Variants in CCDC40 observed in about 807,000 individuals in gnomAD.
CCDC40 encodes the protein coiled-coil domain 40 molecular ruler complex subunit.
In CCDC40, 104 loss-of-function variants were observed where a neutral mutation model predicts 124.5. That is an observed-to-expected ratio of 0.84 (90% CI 0.71 to 0.98). The LOEUF (loss-of-function observed/expected upper bound fraction) is 0.98, where lower values mean the gene tolerates loss of function less well. CCDC40 is among the 50% of genes least tolerant of loss of function. The pLI is 0.00. For synonymous variants in CCDC40, 580 were observed against 602.9 expected (o/e 0.96, Z 0.56); for missense variants, 1,463 against 1,503.9 (o/e 0.97, Z 0.45).
Position 80,089,783 on chromosome 17 carries a change from G to A in CCDC40, c.2731G>A (p.Glu911Lys), listed in dbSNP as rs993641369. The change falls in exon 17 of 20, where the codon GAG becomes AAG. Residue 911 changes from glutamate to lysine, a missense_variant. Coordinates refer to ENST00000397545, the MANE Select transcript of CCDC40 (RefSeq NM_017950.4). ...CTAAAGACACCAGATTATGCTTTGG[G>A]AGAAAAAAATCCAACTGGCAAAAGA... Reference protein sequence around the residue: ...VEAEHQIMLWEKKIQLAKEMR... With the variant: ...VEAEHQIMLWKKKIQLAKEMR... 1.9e-6 allele frequency: 3 copies of A among 1,614,252 alleles called. No individual in the cohort carries two copies. Among genetic ancestry groups the A allele is most frequent in the Admixed American group, 3.3e-5 (2 of 60,022 alleles).
rs759355516 is a variant in CCDC40 at position 80,087,615 on chromosome 17, G to A, written c.2458G>A (p.Glu820Lys). Residue 820 changes from glutamate (E) to lysine (K), a missense_variant, in exon 15 of 20, where the codon GAG (glutamate) becomes AAG (lysine). Physicochemically the swap from Glu to Lys is moderately conservative, Grantham distance 56. Coordinates refer to ENST00000397545, the MANE Select transcript of CCDC40 (RefSeq NM_017950.4). This position sits in a 1 kb window ranked among gnomAD's most constrained non-coding sequence, Gnocchi z 4.5. ...TCTGTTTTCTGCCATAGGCAAGATTGAGCAGGAGAAGAAGGAGCAGAAGGA... is the reference window on the plus strand; with the variant it reads ...TCTGTTTTCTGCCATAGGCAAGATTAAGCAGGAGAAGAAGGAGCAGAAGGA... Reference protein sequence around the residue: ...QKKLRVESKIEQEKKEQKEIE... With the variant: ...QKKLRVESKIKQEKKEQKEIE... 1 of 1,614,122 alleles carries A rather than the reference G, an allele frequency of 6.2e-7. No individual in the cohort carries two copies. The highest frequency in any genetic ancestry group is 8.5e-7 in the Non-Finnish European group (1 of 1,179,972).
At chr17:80,037,399 A>T (rs891339082) in intron 1 of CCDC40, among the ~76,000 whole-genome samples, 1 of 151,830 alleles carries the variant, frequency 6.6e-6, no homozygotes. Context: ...GTATTGTTTC[A>T]TTTTTTTAAA....
rs2038539822 is a variant in CCDC40, at chr17:80,084,749, C to T, written c.1996C>T (p.His666Tyr). ...TTTCTTTTCATCAATTCAGATGACA[C>T]ATCTTTCCAAAATCAACGGTGACAT... ...LQKEKTNMMT[H>Y]LSKINGDIAQ... Residue 666 changes from histidine to tyrosine, a missense_variant, in exon 13 of 20, where the codon CAT becomes TAT. Coordinates refer to ENST00000397545, the MANE Select transcript of CCDC40 (RefSeq NM_017950.4). 1 of 1,614,052 alleles carries T rather than the reference C, an allele frequency of 6.2e-7. No individual in the cohort carries two copies. Among genetic ancestry groups the T allele is most frequent in the Non-Finnish European group, 8.5e-7 (1 of 1,180,024 alleles).
intron 10 of CCDC40, chr17:80,067,427 G>T: frequency 1.5e-6 from 1 of 670,688 alleles, no homozygotes; most frequent in South Asian, 1.7e-5. Context: ...TTCACCCGGA[G>T]TCTTCCTTCC....
chr17:80,044,704 A>ATGTGTATATATATATATATATATATATAT (rs1485851817), intron 3 of CCDC40, among the ~76,000 whole-genome samples: 6 of 37,218 alleles, frequency 1.6e-4, no homozygotes, highest in African/African-American at 4.0e-4. Context: ...AAAACAAACA[A>ATGTGTATATATATATATATATATATATAT]ACAAAAAAAA....
At chr17:80,096,612 T>C (rs900606071) in intron 18 of CCDC40, among the ~76,000 whole-genome samples, 6 of 150,352 alleles carry the variant, frequency 4.0e-5, no homozygotes, top group Non-Finnish European at 7.4e-5. Flanking sequence ...CACACTCAAG[T>C]TCTCCAGCCC....
intron 3 of CCDC40, 31 bp from the exon 4 acceptor site, chr17:80,047,248 G>A (rs753833744): frequency 4.3e-6 from 7 of 1,611,704 alleles, no homozygotes; most frequent in Non-Finnish European, 5.1e-6. Context: ...ATTAAGCCCT[G>A]TTGACTTAGT....
chr17:80,041,720 T>C (rs957716427), intron 3 of CCDC40, among the ~76,000 whole-genome samples: 13 of 152,142 alleles, frequency 8.5e-5, no homozygotes, highest in Non-Finnish European at 1.8e-4. Flanking sequence ...CCAGCTGTCT[T>C]GTAGAGCGCC....
chr17:80,055,560 C>T (rs569195616), intron 7 of CCDC40, among the ~76,000 whole-genome samples: 1 of 152,274 alleles, frequency 6.6e-6, no homozygotes, highest in South Asian at 2.1e-4. Context: ...ACGTTACCAG[C>T]TGGGAAGACG....
At chr17:80,037,696 C>CATAT (rs71163910) in intron 1 of CCDC40, among the ~76,000 whole-genome samples, 2 of 94,750 alleles carry the variant, frequency 2.1e-5, no homozygotes, top group East Asian at 5.9e-4. Context: ...AAAAGATATA[C>CATAT]ATATATATAT....
chr17:80,042,019 G>GA (rs531392755), intron 3 of CCDC40, among the ~76,000 whole-genome samples: 91 of 152,196 alleles, frequency 6.0e-4, no homozygotes, highest in African/African-American at 2.0e-3. Flanking sequence ...TTTAGAATGG[G>GA]AAAAAAATTG....
At chr17:80,056,155 G>A (rs894972428) in intron 7 of CCDC40, among the ~76,000 whole-genome samples, 83 of 150,356 alleles carry the variant, frequency 5.5e-4, no homozygotes, top group African/African-American at 1.9e-3. Context: ...TTCAGCCCTT[G>A]TGGAGTCTTT....
chr17:80,056,277 G>T (rs2037747160), intron 7 of CCDC40, among the ~76,000 whole-genome samples: 1 of 151,100 alleles, frequency 6.6e-6, no homozygotes, highest in South Asian at 2.1e-4. Context: ...TCGGTTCCTC[G>T]CTTGCTGTCC....
At chr17:80,089,558 TC>T in intron 16 of CCDC40, 1 of 252,148 alleles carries the variant, frequency 4.0e-6, no homozygotes, top group Non-Finnish European at 7.7e-6. Flanking sequence ...TCTCCCTCCC[TC>T]CCCCTGTATG....
Position 80,099,652 on chromosome 17 carries a change from G to A in CCDC40, c.3306G>A (p.Lys1102=). ...TGCTGGAGCGCCAGCGCCTGGACAA[G>A]CGACTGGCTCTCATCGCCACCATCC... ...SLVLERQRLD[K]RLALIATILD... Residue 1102 remains lysine (K), a synonymous_variant, in exon 20 of 20, where the codon AAG becomes AAA. Transcript: ENST00000397545. 3.1e-6 allele frequency: 5 copies of A among 1,613,942 alleles called. No homozygotes were observed. The highest frequency in any genetic ancestry group is 4.2e-6 in the Non-Finnish European group (5 of 1,180,030).
intron 16 of CCDC40, 55 bp downstream of exon 16, chr17:80,088,157 C>T: frequency 8.1e-7 from 1 of 1,236,520 alleles, no homozygotes; most frequent in Admixed American, 1.7e-5. Flanking sequence ...CACCTACAGG[C>T]CTCTGTCCGT....
At chr17:80,050,404 C>CCTCCTAAAAAGGGTGGGA in intron 7 of CCDC40, 121 bp downstream of exon 7, 3 of 789,406 alleles carry the variant, frequency 3.8e-6, no homozygotes, top group Non-Finnish European at 6.5e-6. Context: ...GAGGGGTTCC[C>CCTCCTAAAAAGGGTGGGA]ACCCTTTTTA....
At chr17:80,065,400 G>A in intron 9 of CCDC40, 85 bp from the exon 10 acceptor site, 1 of 1,555,466 alleles carries the variant, frequency 6.4e-7, no homozygotes, top group Non-Finnish European at 8.9e-7. Context: ...AGGAAGATTT[G>A]GGAATGTGAG....
At position 80,050,143 on chromosome 17, in the gene CCDC40, A is replaced by G; in HGVS notation, c.1019A>G (p.His340Arg). 1 of 1,613,678 alleles carries G rather than the reference A, an allele frequency of 6.2e-7. No individual in the cohort carries two copies. The highest frequency in any genetic ancestry group is 1.1e-5 in the South Asian group (1 of 91,084). The change falls in exon 7 of 20, where the codon CAC becomes CGC. Residue 340 changes from histidine (H) to arginine (R), a missense_variant. Physicochemically the swap from His to Arg is conservative, Grantham distance 29. Coordinates refer to ENST00000397545, the MANE Select transcript of CCDC40 (RefSeq NM_017950.4). ...NLYEVQQHLV[H>R]LQKLLEKSHD... ...TATGAGGTGCAGCAGCACCTGGTAC[A>G]CCTGCAGAAGCTGCTGGAGAAGAGT...
Sources: allele counts gnomAD v4.1 joint callset (sites outside exome capture counted in the v4.1 genomes callset), GRCh38; gene constraint gnomAD v4.1.1; non-coding constraint Gnocchi (gnomAD v3.1); transcripts MANE v1.5; gene names NCBI Gene and HGNC (gene_info 2026-07-23, HGNC 2026-07-21).